The following ANOS1 variants were observed in gnomAD, a reference collection of about 807,000 sequenced individuals.
The protein encoded by ANOS1 is anosmin-1.
ANOS1 carries 6 observed loss-of-function variants against 59.0 expected under a neutral mutation model. The ratio of observed to expected loss-of-function variants is 0.10; its 90% CI spans 0.06 to 0.20. The LOEUF is 0.20. Ranked by LOEUF, ANOS1 falls within the 10% of genes least tolerant of loss-of-function variation. ANOS1 has a pLI of 1.00. For missense variants in ANOS1, 433 were observed against 542.3 expected (o/e 0.80, Z 2.00); for synonymous variants, 217 against 223.4 (o/e 0.97, Z 0.25).
chrX:8,554,553 T>TGTTG (rs1569047138), intron 8 of ANOS1, among the ~76,000 whole-genome samples: 4 of 95,622 alleles, frequency 4.2e-5, no homozygotes, highest in African/African-American at 1.2e-4. Context: ...TTTTTTTTTT[T>TGTTG]TTTTTTTTTT....
intron 2 of ANOS1, among the ~76,000 whole-genome samples, chrX:8,640,968 A>G (rs774334890): frequency 7.1e-5 from 8 of 112,088 alleles, no homozygotes; most frequent in African/African-American, 9.7e-5. Context: ...TTTCTCAGAA[A>G]ACAGAATTAT....
At chrX:8,630,885 A>G (rs750489905) in intron 2 of ANOS1, among the ~76,000 whole-genome samples, 2 of 113,069 alleles carry the variant, frequency 1.8e-5, no homozygotes, top group Non-Finnish European at 3.7e-5. Flanking sequence ...TCAGTATGCC[A>G]CCAGGGTGTC....
chrX:8,664,249 G>C (rs1233301427), intron 2 of ANOS1, among the ~76,000 whole-genome samples: 1 of 111,831 alleles, frequency 8.9e-6, no homozygotes, highest in Non-Finnish European at 1.9e-5. Flanking sequence ...GGAGTGCAGT[G>C]GCGCGATCTT....
At chrX:8,696,958 T>C (rs756568383) in intron 2 of ANOS1, among the ~76,000 whole-genome samples, 1 of 112,526 alleles carries the variant, frequency 8.9e-6, no homozygotes, top group African/African-American at 3.2e-5. Context: ...CTTGAGCTCA[T>C]AGTGCTGATT....
Position 8,634,331 on chromosome X carries a change from G to A in ANOS1, c.256-10661C>T, listed in dbSNP as rs1931538839. The stretch of plus-strand genomic sequence containing the variant: ...ATATATACATATATGTATATGCAGA[G>A]AGAGAGAATATGATGAAGCAAATAT... On this transcript the variant is annotated intron_variant, in intron 2 of 13. Coordinates refer to ENST00000262648, the MANE Select transcript of ANOS1 (RefSeq NM_000216.4). Among the ~76,000 whole-genome samples, 8 of 110,081 alleles carry A rather than the reference G, an allele frequency of 7.3e-5. No homozygotes were observed. In the South Asian group the frequency reaches 3.1e-3, roughly 43 times the overall value.
intron 1 of ANOS1, among the ~76,000 whole-genome samples, chrX:8,701,406 A>G (rs1243772953): frequency 1.8e-5 from 2 of 112,532 alleles, no homozygotes; most frequent in Non-Finnish European, 3.7e-5. Flanking sequence ...ATAATTCACA[A>G]AATTCACTCA....
At chrX:8,665,956 C>A (rs1478782257) in intron 2 of ANOS1, among the ~76,000 whole-genome samples, 1 of 111,566 alleles carries the variant, frequency 9.0e-6, no homozygotes. Flanking sequence ...GATGCTTGAG[C>A]TTTGGGAGGC....
intron 2 of ANOS1, among the ~76,000 whole-genome samples, chrX:8,668,430 T>TATACACACAC (rs1394731479): frequency 8.7e-5 from 7 of 80,256 alleles, no homozygotes; most frequent in Non-Finnish European, 1.4e-4. Context: ...TATATATATA[T>TATACACACAC]ACACACACAT....
At chrX:8,676,899 T>C (rs1393695490) in intron 2 of ANOS1, among the ~76,000 whole-genome samples, 2 of 111,929 alleles carry the variant, frequency 1.8e-5, no homozygotes, top group Non-Finnish European at 3.8e-5. Flanking sequence ...AGCCTGTCTA[T>C]GGCAAAGAAA....
chrX:8,722,864 T>G lies in ANOS1; in HGVS notation c.207+8966A>C, dbSNP rs1208833391. Among the ~76,000 whole-genome samples the G allele has an allele frequency of 2.7e-5, 3 of 112,018 alleles. No individual in the cohort carries two copies. In the East Asian group the frequency reaches 8.4e-4, roughly 31 times the overall value. On this transcript the variant is annotated intron_variant, in intron 1 of 13. Coordinates refer to ENST00000262648, the MANE Select transcript of ANOS1 (RefSeq NM_000216.4). ...TTTTCACTGCATCCATGTCAACATC[T>G]ATTATTTTTTGATTTTTTGATAATG...
chrX:8,723,855 T>C (rs1932892519), intron 1 of ANOS1, among the ~76,000 whole-genome samples: 1 of 111,524 alleles, frequency 9.0e-6, no homozygotes, highest in African/African-American at 3.3e-5. Flanking sequence ...TGTAGTACTG[T>C]CGTTAATGAT....
At chrX:8,661,819 C>G (rs111693610) in intron 2 of ANOS1, among the ~76,000 whole-genome samples, 1 of 111,143 alleles carries the variant, frequency 9.0e-6, no homozygotes, top group Non-Finnish European at 1.9e-5. Flanking sequence ...ACAACAGCAT[C>G]GCGTTTCAAC....
At position 8,537,945 on chromosome X, in the gene ANOS1, G is replaced by T. The variant is rs147307851; in HGVS notation, c.1450-1003C>A. Among the ~76,000 whole-genome samples, 305 of 111,343 alleles carry T rather than the reference G, an allele frequency of 2.7e-3. 2 individuals are homozygous for T. The highest frequency in any genetic ancestry group is 0.011 in the East Asian group (39 of 3,531). On this transcript the variant is annotated intron_variant, in intron 10 of 13. Transcript: ENST00000262648. ...TGAGGCTTGAGTGATTTACTTAAGTGAGGAGTGGAAGTGGCTGCAGGTGAC... is the reference window on the plus strand; with the variant it reads ...TGAGGCTTGAGTGATTTACTTAAGTTAGGAGTGGAAGTGGCTGCAGGTGAC...
At chrX:8,576,966 G>A (rs1288436827) in intron 6 of ANOS1, among the ~76,000 whole-genome samples, 1 of 110,252 alleles carries the variant, frequency 9.1e-6, no homozygotes, top group African/African-American at 3.4e-5. Context: ...TATGGTCTCC[G>A]TTACAATCAC....
intron 13 of ANOS1, 29 bp from the exon 14 acceptor site, chrX:8,533,082 A>G (rs375530475): frequency 1.6e-4 from 136 of 868,806 alleles, no homozygotes; most frequent in Middle Eastern, 2.7e-4. Flanking sequence ...TGTCAGTCAC[A>G]TCCATTTGTA....
intron 6 of ANOS1, among the ~76,000 whole-genome samples, chrX:8,581,950 T>C (rs1930433150): frequency 8.9e-6 from 1 of 112,086 alleles, no homozygotes; most frequent in Admixed American, 9.5e-5. Context: ...ACACAACATT[T>C]TCTGTCTTTA....
intron 8 of ANOS1, among the ~76,000 whole-genome samples, chrX:8,564,596 G>T (rs1005939315): frequency 3.6e-5 from 4 of 112,039 alleles, no homozygotes; most frequent in Non-Finnish European, 7.5e-5. Flanking sequence ...ATGTAGATGA[G>T]ATTTGACTTC....
intron 2 of ANOS1, among the ~76,000 whole-genome samples, chrX:8,665,994 G>C (rs1296025745): frequency 9.0e-6 from 1 of 110,664 alleles, no homozygotes. Flanking sequence ...TTGACCCCAG[G>C]GGTTCAAGAC....
At chrX:8,681,807 C>A (rs148254734) in intron 2 of ANOS1, among the ~76,000 whole-genome samples, 1,190 of 112,116 alleles carry the variant, frequency 0.011, 22 homozygotes, top group African/African-American at 0.037. Flanking sequence ...TGTGACAATT[C>A]TTTGCAAACT....
Sources: allele counts gnomAD v4.1 joint callset (sites outside exome capture counted in the v4.1 genomes callset), GRCh38; gene constraint gnomAD v4.1.1; transcripts MANE v1.5; gene names NCBI Gene and HGNC (gene_info 2026-07-23, HGNC 2026-07-21).